RHAG: variants seen among roughly 807,000 people sequenced by gnomAD.
The protein encoded by RHAG is ammonium transporter Rh type A.
RHAG carries 25 observed loss-of-function variants against 42.4 expected under a neutral mutation model. The observed-to-expected ratio is 0.59, with a 90% CI of 0.43 to 0.82. The LOEUF (loss-of-function observed/expected upper bound fraction) is 0.82. RHAG is among the 40% of genes least tolerant of loss of function. The pLI, the probability that RHAG is intolerant of heterozygous loss-of-function variation, is 0.00. For missense variants in RHAG, 483 were observed against 504.6 expected (o/e 0.96, Z 0.41); for synonymous variants, 182 against 177.7 (o/e 1.02, Z -0.19).
At chr6:49,612,669 G>C in intron 5 of RHAG, 135 bp from the exon 6 acceptor site, 1 of 1,065,908 alleles carries the variant, frequency 9.4e-7, no homozygotes, top group Non-Finnish European at 1.4e-6. Flanking sequence ...TTTAAAAAGA[G>C]GTTTGTTTGG....
intron 1 of RHAG, among the ~76,000 whole-genome samples, chr6:49,628,634 A>T (rs1021963273): frequency 2.7e-5 from 4 of 149,020 alleles, no homozygotes; most frequent in African/African-American, 1.0e-4. Context: ...TACAGCTCTT[A>T]AGGTGGCGCG....
intron 4 of RHAG, 128 bp from the exon 5 acceptor site, chr6:49,614,981 T>C (rs1762630162): frequency 2.3e-6 from 2 of 883,866 alleles, no homozygotes; most frequent in Non-Finnish European, 3.5e-6. Flanking sequence ...GGAGTGTCCC[T>C]CTGTCACCCA....
In RHAG at chr6:49,605,597, A is replaced by T; in HGVS notation, c.*216T>A. The T allele has an allele frequency of 1.6e-6, 1 of 644,236 alleles. No individual in the cohort carries two copies. Among genetic ancestry groups the T allele is most frequent in the Non-Finnish European group, 2.9e-6 (1 of 350,732 alleles). 39.9% of individuals were successfully genotyped at this position (644,236 alleles called of 1,614,324 possible). ...ACATCCCCTCAATTAATCATTGAAG[A>T]GCAAGAGACAGCATCAGACATAAGG... On this transcript the variant is annotated 3_prime_UTR_variant, in exon 10 of 10. Transcript: ENST00000371175.
chr6:49,625,855 G>A (rs1193685828), intron 1 of RHAG, among the ~76,000 whole-genome samples: 2 of 152,164 alleles, frequency 1.3e-5, no homozygotes, highest in Non-Finnish European at 2.9e-5. Context: ...CACAATCATG[G>A]TGAAAGGCAA....
chr6:49,630,343 A>G (rs1326506135), intron 1 of RHAG, among the ~76,000 whole-genome samples: 1 of 152,202 alleles, frequency 6.6e-6, no homozygotes, highest in African/African-American at 2.4e-5. Flanking sequence ...TGAAGATAGG[A>G]GTCATTAGGT....
chr6:49,629,534 G>C (rs568752372), intron 1 of RHAG, among the ~76,000 whole-genome samples: 1 of 152,146 alleles, frequency 6.6e-6, no homozygotes, highest in Non-Finnish European at 1.5e-5. Context: ...TGCCAGTCCC[G>C]GTGTTGTGCA....
Position 49,607,284 on chromosome 6 carries a change from C to T in RHAG, c.1068-64G>A, listed in dbSNP as rs1762490318. ...GATCTCAGCCAAAGAAAGTCTCACT[C>T]ACTGAGGGTGTGGATGACTGCCATC... On this transcript the variant is annotated intron_variant, in intron 7 of 9. Coordinates refer to ENST00000371175, the MANE Select transcript of RHAG (RefSeq NM_000324.3). 7 of 1,322,824 alleles carry T rather than the reference C, an allele frequency of 5.3e-6. No individual in the cohort carries two copies. In the South Asian group the frequency reaches 7.3e-5, roughly 14 times the overall value. The allele number at this position is 1,322,824 out of a possible 1,614,324, so 81.9% of individuals were successfully genotyped here.
chr6:49,632,651 T>C (rs903055076), intron 1 of RHAG, among the ~76,000 whole-genome samples: 8 of 152,134 alleles, frequency 5.3e-5, no homozygotes, highest in African/African-American at 1.4e-4. Flanking sequence ...CATGAGTAAA[T>C]GAGCCAATCA....
At chr6:49,632,431 C>G (rs1422301039) in intron 1 of RHAG, among the ~76,000 whole-genome samples, 4 of 152,098 alleles carry the variant, frequency 2.6e-5, no homozygotes. Context: ...AGTTTTTAAA[C>G]AATTAGAATT....
intron 1 of RHAG, among the ~76,000 whole-genome samples, chr6:49,624,276 G>A (rs767504054): frequency 8.5e-5 from 13 of 152,118 alleles, no homozygotes; most frequent in Non-Finnish European, 1.9e-4. Flanking sequence ...CGCAATCTCG[G>A]CTCACTGCAG....
intron 5 of RHAG, 70 bp from the exon 6 acceptor site, chr6:49,612,604 T>C: frequency 1.3e-6 from 2 of 1,583,506 alleles, no homozygotes; most frequent in Non-Finnish European, 1.7e-6. Flanking sequence ...CAGAGGATTC[T>C]AGAGTTCAAG....
intron 3 of RHAG, 65 bp downstream of exon 3, chr6:49,618,003 C>T: frequency 7.0e-7 from 1 of 1,437,174 alleles, no homozygotes; most frequent in Non-Finnish European, 9.8e-7. Flanking sequence ...CGTAGACACC[C>T]ATTGTTTTTT....
At chr6:49,629,540 G>A (rs1762900039) in intron 1 of RHAG, among the ~76,000 whole-genome samples, 2 of 152,192 alleles carry the variant, frequency 1.3e-5, no homozygotes, top group Admixed American at 6.5e-5. Context: ...TCCCGGTGTT[G>A]TGCACCCACA....
chr6:49,630,078 G>T (rs1041137133), intron 1 of RHAG, among the ~76,000 whole-genome samples: 6 of 152,196 alleles, frequency 3.9e-5, no homozygotes, highest in African/African-American at 1.4e-4. Flanking sequence ...AGCGAGCGAG[G>T]GCTGTGAGGA....
At chr6:49,622,691 T>C (rs1219833427) in intron 1 of RHAG, among the ~76,000 whole-genome samples, 1 of 152,182 alleles carries the variant, frequency 6.6e-6, no homozygotes, top group African/African-American at 2.4e-5. Context: ...CAGTCTCGGG[T>C]ATGTTTTTAC....
chr6:49,611,197 C>G (rs1404283342), intron 6 of RHAG, 52 bp from the exon 7 acceptor site: 3 of 1,475,546 alleles, frequency 2.0e-6, no homozygotes, highest in Non-Finnish European at 2.8e-6. Context: ...ATATAGAACT[C>G]TAGAACTGAA....
At chr6:49,614,432 C>T (rs1378868589) in intron 5 of RHAG, among the ~76,000 whole-genome samples, 5 of 151,816 alleles carry the variant, frequency 3.3e-5, no homozygotes, top group Non-Finnish European at 1.5e-5. Context: ...GAACTCTTGA[C>T]CTCAGGTAAT....
At chr6:49,618,342 C>G in intron 2 of RHAG, 124 bp from the exon 3 acceptor site, 1 of 914,478 alleles carries the variant, frequency 1.1e-6, no homozygotes, top group Non-Finnish European at 1.8e-6. Flanking sequence ...TCTCCCACTT[C>G]CTTATTCCTC....
chr6:49,635,734 C>T (rs928705798), intron 1 of RHAG, among the ~76,000 whole-genome samples: 2 of 152,126 alleles, frequency 1.3e-5, no homozygotes, highest in South Asian at 4.2e-4. Context: ...ATACCCCCAT[C>T]ATATTAATTC....
Sources: gnomAD v4.1 joint callset for allele counts (sites outside exome capture counted in the v4.1 genomes callset) on GRCh38, gnomAD v4.1.1 for gene constraint, MANE v1.5 for transcripts, NCBI Gene and HGNC (gene_info 2026-07-23, HGNC 2026-07-21) for gene names.